Variants in NDUFS6 observed in about 807,000 individuals in gnomAD.
The protein encoded by NDUFS6 is NADH dehydrogenase [ubiquinone] iron-sulfur protein 6, mitochondrial.
Under a neutral mutation model 13.2 loss-of-function variants are expected in NDUFS6, and 14 were observed. The observed-to-expected ratio is 1.06, with a 90% CI of 0.70 to 1.66. The LOEUF is 1.66. Among genes scored for constraint, NDUFS6 ranks in the 40% most tolerant of loss-of-function variants. The probability of loss-of-function intolerance (pLI) is 0.00; values close to 1 mark genes in which losing one functional copy is unlikely to be tolerated. For missense variants in NDUFS6, 206 were observed against 170.8 expected, an observed-to-expected ratio of 1.21 and a Z score of -1.15; for synonymous variants, 95 against 72.3, an observed-to-expected ratio of 1.31 and a Z score of -1.60.
At chr5:1,810,953 C>T (rs59857681) in intron 2 of NDUFS6, among the ~76,000 whole-genome samples, 382 of 152,298 alleles carry the variant, frequency 2.5e-3, no homozygotes, top group African/African-American at 6.0e-3. Flanking sequence ...TTCGCCTCTG[C>T]CACCCCTGAG....
intron 1 of NDUFS6, 27 bp downstream of exon 1, chr5:1,801,576 C>T (rs746543841): frequency 7.1e-6 from 11 of 1,551,556 alleles, no homozygotes; most frequent in South Asian, 1.2e-5. Context: ...ACAGGATGCA[C>T]CTTCCTCCAG....
Position 1,804,021 on chromosome 5 carries a change from A to G in NDUFS6, c.186+1647A>G, listed in dbSNP as rs543076060. The stretch of plus-strand genomic sequence containing the variant: ...ACCGATGGATGTGGGGAGGGTTCGC[A>G]GGCCCTTTGGTTTCTTTTGGCAGTG... On this transcript the variant is annotated intron_variant, in intron 2 of 3. Coordinates refer to ENST00000274137, the MANE Select transcript of NDUFS6 (RefSeq NM_004553.6). Among the ~76,000 whole-genome samples the G allele has an allele frequency of 5.3e-5, 8 of 152,262 alleles. No homozygotes were observed. In the South Asian group the frequency reaches 1.5e-3, roughly 28 times the overall value.
chr5:1,806,920 G>A (rs1734131759), intron 2 of NDUFS6, among the ~76,000 whole-genome samples: 2 of 152,170 alleles, frequency 1.3e-5, no homozygotes, highest in South Asian at 2.1e-4. Flanking sequence ...CAGCTGAACG[G>A]ATAAGCAAAA....
rs903735738 is a variant in NDUFS6, at chr5:1,804,440, T to C, written c.186+2066T>C. On this transcript the variant is annotated intron_variant, in intron 2 of 3. Transcript: ENST00000274137. ...CGGGATAGTGTGATAGTAGTGTCTGTGACCGGCAGCTCACCCAGGGCGTCC... is the reference window on the plus strand; with the variant it reads ...CGGGATAGTGTGATAGTAGTGTCTGCGACCGGCAGCTCACCCAGGGCGTCC... Among the ~76,000 whole-genome samples the C allele has an allele frequency of 2.6e-5, 4 of 152,270 alleles. No individual in the cohort carries two copies. In the South Asian group the frequency reaches 6.2e-4, roughly 24 times the overall value.
In NDUFS6 at chr5:1,801,429, G is replaced by A. The variant is rs759216530; in HGVS notation, c.12G>A (p.Ala4=). 1 of 1,605,132 alleles carries A rather than the reference G, an allele frequency of 6.2e-7. No homozygotes were observed. Among genetic ancestry groups the A allele is most frequent in the Admixed American group, 1.7e-5 (1 of 59,870 alleles). The change falls in exon 1 of 4, where the codon GCG becomes GCA. Residue 4 remains alanine, a synonymous_variant. Coordinates refer to ENST00000274137, the MANE Select transcript of NDUFS6 (RefSeq NM_004553.6). ...GCCAGCGGCGCAAAATGGCGGCGGC[G>A]ATGACCTTCTGCCGGCTGCTGAACC... The part of the protein sequence containing the change: MAA[A]MTFCRLLNRC...
intron 2 of NDUFS6, among the ~76,000 whole-genome samples, chr5:1,806,922 T>G (rs1554018593): frequency 6.6e-6 from 1 of 152,196 alleles, no homozygotes; most frequent in Non-Finnish European, 1.5e-5. Context: ...GCTGAACGGA[T>G]AAGCAAAATG....
At chr5:1,802,195 G>C in intron 1 of NDUFS6, 126 bp from the exon 2 acceptor site, 1 of 884,122 alleles carries the variant, frequency 1.1e-6, no homozygotes, top group South Asian at 1.4e-5. Flanking sequence ...CTGTGCACTT[G>C]TTTGACTTTT....
intron 2 of NDUFS6, among the ~76,000 whole-genome samples, chr5:1,809,993 T>C (rs1318542506): frequency 6.6e-6 from 1 of 152,266 alleles, no homozygotes; most frequent in East Asian, 1.9e-4. Context: ...CTTTACACAA[T>C]GGTCATCTGT....
In NDUFS6 at chr5:1,801,541, A is replaced by G. The variant is rs2111344649; in HGVS notation, c.124A>G (p.Thr42Ala). ...GCCGACCGGGGAGAAGGTCACGCAC[A>G]CTGGCCAGGTAACGGCCGCTGGGTA... ...VSPTGEKVTH[T>A]GQVYDDKDYR... Residue 42 changes from threonine (T) to alanine (A), a missense_variant, in exon 1 of 4, where the codon ACT (threonine) becomes GCT (alanine). By Grantham distance (58) the Thr-to-Ala change is moderately conservative (BLOSUM62 0). Coordinates refer to ENST00000274137, the MANE Select transcript of NDUFS6 (RefSeq NM_004553.6). 1.9e-6 allele frequency: 3 copies of G among 1,588,362 alleles called. No individual in the cohort carries two copies. The East Asian group carries it at 6.8e-5, about 36-fold the overall frequency.
chr5:1,801,616 C>G (rs1334767010), intron 1 of NDUFS6, 67 bp downstream of exon 1: 31 of 1,516,752 alleles, frequency 2.0e-5, no homozygotes, highest in Middle Eastern at 2.1e-4. Flanking sequence ...TGGCAGTGGG[C>G]TCGCCGGGCA....
chr5:1,805,001 C>T (rs377718079), intron 2 of NDUFS6, among the ~76,000 whole-genome samples: 9 of 152,302 alleles, frequency 5.9e-5, no homozygotes, highest in African/African-American at 1.9e-4. Context: ...AGCCCCTGAT[C>T]GTACTGTCCT....
At chr5:1,802,490 C>G in intron 2 of NDUFS6, 116 bp downstream of exon 2, 1 of 797,142 alleles carries the variant, frequency 1.3e-6, no homozygotes, top group Admixed American at 2.4e-5. Context: ...TGCAAGCACC[C>G]TAACAGTTCT....
At chr5:1,811,364 A>C (rs543895257) in intron 2 of NDUFS6, among the ~76,000 whole-genome samples, 19 of 152,340 alleles carry the variant, frequency 1.2e-4, no homozygotes, top group African/African-American at 4.1e-4. Context: ...GTAAAAAAAA[A>C]ACAAAATAAC....
In NDUFS6 at chr5:1,814,488, G is replaced by A; in HGVS notation, c.309+27G>A. On this transcript the variant is annotated intron_variant, in intron 3 of 3. Transcript: ENST00000274137. The surrounding 1 kb of genome is among the most constrained non-coding windows in gnomAD (Gnocchi z 4.9). ...TGCGTAGCTGGCCACCTGTGCACATGTTAGGGCAGCCTGCTCGTCCTCATA... is the reference window on the plus strand; with the variant it reads ...TGCGTAGCTGGCCACCTGTGCACATATTAGGGCAGCCTGCTCGTCCTCATA... The A allele has an allele frequency of 2.5e-6, 4 of 1,614,116 alleles. No individual in the cohort carries two copies. Among genetic ancestry groups the A allele is most frequent in the Non-Finnish European group, 3.4e-6 (4 of 1,180,004 alleles).
At chr5:1,811,264 A>G (rs1239903054) in intron 2 of NDUFS6, among the ~76,000 whole-genome samples, 2 of 152,218 alleles carry the variant, frequency 1.3e-5, no homozygotes, top group African/African-American at 4.8e-5. Flanking sequence ...CAGATTTTCA[A>G]TTGTGTTGGG....
In NDUFS6 at chr5:1,814,710, C is replaced by T. The variant is rs778684493; in HGVS notation, c.309+249C>T. On this transcript the variant is annotated intron_variant, in intron 3 of 3. Transcript: ENST00000274137. This position sits in a 1 kb window ranked among gnomAD's most constrained non-coding sequence, Gnocchi z 4.9. ...ATGTTTCTCTTCTCGGACGCCCAAG[C>T]GTCTTTCCTCTCTGGGCCCTTCTCG... 1.8e-5 allele frequency: 13 copies of T among 716,102 alleles called. No individual in the cohort carries two copies. Among genetic ancestry groups the T allele is most frequent in the African/African-American group, 1.4e-4 (8 of 57,474 alleles). 44.4% of individuals were successfully genotyped at this position (716,102 alleles called of 1,614,324 possible).
chr5:1,810,333 G>T (rs552262542), intron 2 of NDUFS6, among the ~76,000 whole-genome samples: 1 of 152,348 alleles, frequency 6.6e-6, no homozygotes, highest in South Asian at 2.1e-4. Context: ...GGGCTTAGAG[G>T]CCTGCTGGGG....
chr5:1,806,621 C>T (rs192048299), intron 2 of NDUFS6, among the ~76,000 whole-genome samples: 5 of 152,128 alleles, frequency 3.3e-5, no homozygotes, highest in East Asian at 3.9e-4. Flanking sequence ...GTAGTGCTCA[C>T]GAGAGAGGAA....
chr5:1,814,598 C>T lies in NDUFS6; in HGVS notation c.309+137C>T. On this transcript the variant is annotated intron_variant, in intron 3 of 3. Coordinates refer to ENST00000274137, the MANE Select transcript of NDUFS6 (RefSeq NM_004553.6). This position sits in a 1 kb window ranked among gnomAD's most constrained non-coding sequence, Gnocchi z 4.9. ...GCCCTTACGGGGTTCACACTGCTGG[C>T]ACATTCACCCTACAGCGCCACACTA... The T allele has an allele frequency of 7.7e-7, 1 of 1,305,768 alleles. No individual in the cohort carries two copies. Among genetic ancestry groups the T allele is most frequent in the Non-Finnish European group, 1.1e-6 (1 of 930,754 alleles). The allele number at this position is 1,305,768 out of a possible 1,614,324, so 80.9% of individuals were successfully genotyped here.
Sources: gnomAD v4.1 joint callset for allele counts (sites outside exome capture counted in the v4.1 genomes callset) on GRCh38, gnomAD v4.1.1 for gene constraint, Gnocchi (gnomAD v3.1) non-coding constraint, MANE v1.5 for transcripts, NCBI Gene and HGNC (gene_info 2026-07-23, HGNC 2026-07-21) for gene names.